Variants in VPS33A observed in about 807,000 individuals in gnomAD.
VPS33A encodes the protein VPS33A core subunit of CORVET and HOPS complexes, also known as vacuolar protein sorting-associated protein 33A.
In VPS33A, 32 loss-of-function variants were observed where a neutral mutation model predicts 71.8. That is an observed-to-expected ratio of 0.45 (90% CI 0.34 to 0.60). VPS33A has a LOEUF of 0.60. VPS33A is among the 20% of genes least tolerant of loss of function. VPS33A has a pLI of 0.02. For synonymous variants in VPS33A, 311 were observed against 292.7 expected (o/e 1.06, Z -0.64); for missense variants, 625 against 748.5 (o/e 0.84, Z 1.92).
At chr12:122,235,721 T>TGTGTTGTCACCTGGACGATCTAACCA in intron 11 of VPS33A, 65 bp downstream of exon 11, 1 of 1,515,260 alleles carries the variant, frequency 6.6e-7, no homozygotes, top group Non-Finnish European at 8.8e-7. Context: ...TTCAGAAGCA[T>TGTGTTGTCACCTGGACGATCTAACCA]GTGTTGTCAC....
chr12:122,244,374 C>T (rs568106705), intron 7 of VPS33A, among the ~76,000 whole-genome samples, 195 bp downstream of exon 7: 3 of 152,300 alleles, frequency 2.0e-5, no homozygotes, highest in Admixed American at 6.5e-5. Flanking sequence ...AAGAACTTTA[C>T]GCAACGCGGG....
intron 8 of VPS33A, among the ~76,000 whole-genome samples, chr12:122,241,580 C>T (rs1003888118): frequency 7.9e-5 from 12 of 151,064 alleles, no homozygotes; most frequent in Admixed American, 7.9e-4. Flanking sequence ...GGTGGGATTA[C>T]AGACATGAGC....
intron 3 of VPS33A, among the ~76,000 whole-genome samples, chr12:122,262,324 T>TG (rs1260749589): frequency 3.9e-5 from 6 of 152,222 alleles, no homozygotes; most frequent in Non-Finnish European, 5.9e-5. Flanking sequence ...AAACCATTTA[T>TG]GGGGCATTGA....
chr12:122,237,379 C>G (rs1370917876), intron 10 of VPS33A, among the ~76,000 whole-genome samples: 2 of 152,254 alleles, frequency 1.3e-5, no homozygotes, highest in African/African-American at 4.8e-5. Context: ...GTTACCTAAA[C>G]TAGTCTGTGC....
chr12:122,247,653 A>AT (rs1163688344), intron 6 of VPS33A, among the ~76,000 whole-genome samples: 1 of 152,162 alleles, frequency 6.6e-6, no homozygotes, highest in Non-Finnish European at 1.5e-5. Context: ...TAATATAAAA[A>AT]TTACTACTTT....
chr12:122,255,406 G>T lies in VPS33A; in HGVS notation c.484-4307C>A, dbSNP rs1954903031. On this transcript the variant is annotated intron_variant, in intron 4 of 12. Coordinates refer to ENST00000267199, the MANE Select transcript of VPS33A (RefSeq NM_022916.6). Reference sequence around the variant, plus strand: ...TGTAAGCAAACCACTAGGGAACAAGGTACAAAAGAGCCAAGAGGGTTGGGC... The same window carrying T: ...TGTAAGCAAACCACTAGGGAACAAGTTACAAAAGAGCCAAGAGGGTTGGGC... Among the ~76,000 whole-genome samples the T allele has an allele frequency of 3.3e-5, 5 of 152,194 alleles. No homozygotes were observed. The South Asian group carries it at 1.0e-3, about 32-fold the overall frequency.
intron 4 of VPS33A, among the ~76,000 whole-genome samples, chr12:122,255,956 A>T (rs574682556): frequency 6.6e-6 from 1 of 151,954 alleles, no homozygotes; most frequent in South Asian, 2.1e-4. Flanking sequence ...GGTGCACATC[A>T]CCACGTGTGG....
chr12:122,241,901 G>C (rs1016631438), intron 8 of VPS33A, among the ~76,000 whole-genome samples: 1 of 146,296 alleles, frequency 6.8e-6, no homozygotes, highest in Non-Finnish European at 1.5e-5. Context: ...CCAACAAATG[G>C]AACATTCTTT....
intron 4 of VPS33A, among the ~76,000 whole-genome samples, chr12:122,253,727 T>C (rs1954876082): frequency 6.6e-6 from 1 of 152,060 alleles, no homozygotes; most frequent in African/African-American, 2.4e-5. Flanking sequence ...AGACAGAGTC[T>C]TGCTCTATCA....
chr12:122,255,806 AT>A (rs1954910010), intron 4 of VPS33A, among the ~76,000 whole-genome samples: 1 of 138,792 alleles, frequency 7.2e-6, no homozygotes, highest in African/African-American at 2.7e-5. Context: ...TAACTTTTTT[AT>A]TTTTCGCTTT....
chr12:122,261,556 G>A, intron 3 of VPS33A, 109 bp from the exon 4 acceptor site: 1 of 1,032,406 alleles, frequency 9.7e-7, no homozygotes, highest in South Asian at 1.4e-5. Flanking sequence ...ATAAATGCTG[G>A]CTAGATAAAT....
chr12:122,265,242 A>G (rs1265102712), intron 1 of VPS33A, among the ~76,000 whole-genome samples: 2 of 152,024 alleles, frequency 1.3e-5, no homozygotes, highest in Non-Finnish European at 2.9e-5. Context: ...AAAATCCTTA[A>G]AAGCTCAGTA....
Position 122,251,142 on chromosome 12 carries a change from C to G in VPS33A, c.484-43G>C, listed in dbSNP as rs200240800. ...AATTATTGCCAGGCCATGGGGGCCT[C>G]CCAGGGGCCCATCTCTGTTCCTGGG... On this transcript the variant is annotated intron_variant, in intron 4 of 12. Coordinates refer to ENST00000267199, the MANE Select transcript of VPS33A (RefSeq NM_022916.6). 6.6e-4 allele frequency: 904 copies of G among 1,359,852 alleles called. 5 individuals carry two copies. Among genetic ancestry groups the G allele is most frequent in the Non-Finnish European group, 4.0e-5 (38 of 953,896 alleles). The allele number at this position is 1,359,852 out of a possible 1,614,324, so 84.2% of individuals were successfully genotyped here. A position where few individuals can be genotyped will look rare whatever the true frequency, so the allele number is the denominator to read the frequency against.
intron 11 of VPS33A, among the ~76,000 whole-genome samples, chr12:122,234,973 T>C (rs1954610211): frequency 6.6e-6 from 1 of 152,174 alleles, no homozygotes. Flanking sequence ...GCACTGCCTC[T>C]CCACTCTTCC....
chr12:122,256,092 G>A (rs867826883), intron 4 of VPS33A, among the ~76,000 whole-genome samples: 3 of 152,028 alleles, frequency 2.0e-5, no homozygotes, highest in Admixed American at 1.3e-4. Flanking sequence ...CACTGTGCCT[G>A]GCCTATTTTA....
chr12:122,255,379 C>T (rs544211232), intron 4 of VPS33A, among the ~76,000 whole-genome samples: 2 of 152,214 alleles, frequency 1.3e-5, no homozygotes, highest in East Asian at 1.9e-4. Flanking sequence ...GGTAGGATTT[C>T]GTGTAAGCAA....
intron 9 of VPS33A, 44 bp from the exon 10 acceptor site, chr12:122,238,768 C>G: frequency 8.2e-7 from 1 of 1,223,108 alleles, no homozygotes; most frequent in Non-Finnish European, 1.2e-6. Flanking sequence ...TTTACATATA[C>G]ATACACACAC....
rs1592915620 is a variant in VPS33A, at chr12:122,242,455, C to T, written c.1023G>A (p.Leu341=). 2 of 1,613,962 alleles carry T rather than the reference C, an allele frequency of 1.2e-6. No homozygotes were observed. The highest frequency in any genetic ancestry group is 2.2e-5 in the South Asian group (2 of 91,088). ...VGEIKQFVSQ[L]PHMQAARGSL... ...AGCCCCTTGCTGCCTGCATGTGGGG[C>T]AACTGGGAAACAAACTGCTTGATCT... The change falls in exon 8 of 13, where the codon TTG becomes TTA. Residue 341 remains leucine, a synonymous_variant. Transcript: ENST00000267199.
At chr12:122,251,757 C>T (rs992528469) in intron 4 of VPS33A, among the ~76,000 whole-genome samples, 1 of 151,662 alleles carries the variant, frequency 6.6e-6, no homozygotes, top group Non-Finnish European at 1.5e-5. Context: ...GGGAACATCA[C>T]ACACCAGGGC....
Sources: allele counts gnomAD v4.1 joint callset (sites outside exome capture counted in the v4.1 genomes callset), GRCh38; gene constraint gnomAD v4.1.1; transcripts MANE v1.5; gene names NCBI Gene and HGNC (gene_info 2026-07-23, HGNC 2026-07-21).